The following PHLDB2 variants were observed in gnomAD, a reference collection of about 807,000 sequenced individuals.
PHLDB2 encodes the protein pleckstrin homology like domain family B member 2.
Under a neutral mutation model 123.6 loss-of-function variants are expected in PHLDB2, and 71 were observed. The ratio of observed to expected loss-of-function variants is 0.57; its 90% CI spans 0.47 to 0.70. The LOEUF is 0.70. Ranked by LOEUF, PHLDB2 falls within the 30% of genes least tolerant of loss-of-function variation. The probability of loss-of-function intolerance (pLI) is 0.00; values close to 1 mark genes in which losing one functional copy is unlikely to be tolerated. For synonymous variants in PHLDB2, 547 were observed against 541.6 expected, an observed-to-expected ratio of 1.01 and a Z score of -0.14; for missense variants, 1,446 against 1,519.5, an observed-to-expected ratio of 0.95 and a Z score of 0.80.
intron 1 of PHLDB2, among the ~76,000 whole-genome samples, chr3:111,841,364 G>C (rs968396038): frequency 6.6e-6 from 1 of 152,086 alleles, no homozygotes; most frequent in South Asian, 2.1e-4. Flanking sequence ...AACTGTAAAG[G>C]AATGAAAAAG....
intron 1 of PHLDB2, among the ~76,000 whole-genome samples, chr3:111,751,576 T>C (rs2059775278): frequency 6.7e-6 from 1 of 150,052 alleles, no homozygotes. Context: ...ATAAAACCTC[T>C]CCTTGGAGAC....
intron 1 of PHLDB2, among the ~76,000 whole-genome samples, chr3:111,783,607 GGAGAGAAACAGGTT>G (rs2060567588): frequency 2.0e-5 from 3 of 152,140 alleles, no homozygotes; most frequent in South Asian, 4.1e-4. Flanking sequence ...AAGCACCCAG[GGAGAGAAACAGGTT>G]GAAGATAAAC....
chr3:111,802,057 A>T (rs2061397582), intron 1 of PHLDB2, among the ~76,000 whole-genome samples: 1 of 152,248 alleles, frequency 6.6e-6, no homozygotes, highest in Non-Finnish European at 1.5e-5. Flanking sequence ...CAATAAATTA[A>T]CCAGGATAGA....
At position 111,755,566 on chromosome 3, in the gene PHLDB2, T is replaced by C. The variant is rs1222650678; in HGVS notation, c.-49+22863T>C. Among the ~76,000 whole-genome samples the C allele has an allele frequency of 1.3e-4, 19 of 147,896 alleles. No individual in the cohort carries two copies. The South Asian group carries it at 2.2e-3, about 17-fold the overall frequency. ...TTTTCTTCTTTATTAGTCTTGCTAG[T>C]GGTCTATCAATTTTGTTGATCCTTT... is the stretch of plus-strand genomic sequence containing the variant. On this transcript the variant is annotated intron_variant, in intron 1 of 17. Transcript: ENST00000393923.
At chr3:111,873,744 T>C (rs542216498) in intron 1 of PHLDB2, among the ~76,000 whole-genome samples, 1 of 152,320 alleles carries the variant, frequency 6.6e-6, no homozygotes, top group Admixed American at 6.5e-5. Flanking sequence ...AAAGTCCTTC[T>C]TTCTAACTGG....
chr3:111,738,822 A>C (rs2059552167), intron 1 of PHLDB2, among the ~76,000 whole-genome samples: 1 of 152,214 alleles, frequency 6.6e-6, no homozygotes, highest in South Asian at 2.1e-4. Context: ...GGGGAGACTA[A>C]AGAAAGAATC....
intron 2 of PHLDB2, among the ~76,000 whole-genome samples, chr3:111,898,214 C>T (rs1480525864): frequency 7.4e-6 from 1 of 136,048 alleles, no homozygotes; most frequent in African/African-American, 2.8e-5. Context: ...GTGTCTTGCT[C>T]TGTCTCCCAG....
chr3:111,913,695 T>C lies in PHLDB2; in HGVS notation c.1712T>C (p.Leu571Pro). 1 of 1,611,164 alleles carries C rather than the reference T, an allele frequency of 6.2e-7. No individual in the cohort carries two copies. The highest frequency in any genetic ancestry group is 8.5e-7 in the Non-Finnish European group (1 of 1,177,872). The change falls in exon 3 of 18, where the codon CTA becomes CCA. Residue 571 changes from leucine to proline, a missense_variant. This residue lies in a region of PHLDB2 where 832 missense variants were observed against 831.9 expected (regional missense o/e 1.00). Coordinates refer to ENST00000431670, the MANE Select transcript of PHLDB2 (RefSeq NM_001134438.2). ...AGCGAGTCCTCTTATCTAAGTATCCTACCAAAGGTAATGTTGGCCCAGCAA... is the reference window on the plus strand; with the variant it reads ...AGCGAGTCCTCTTATCTAAGTATCCCACCAAAGGTAATGTTGGCCCAGCAA... Reference protein sequence around the residue: ...ASSESSYLSILPKTPEGISEE... With the variant: ...ASSESSYLSIPPKTPEGISEE...
chr3:111,882,097 A>G (rs936026439), intron 1 of PHLDB2, among the ~76,000 whole-genome samples: 2 of 152,250 alleles, frequency 1.3e-5, no homozygotes, highest in African/African-American at 2.4e-5. Flanking sequence ...ACTTCAAAAT[A>G]TGATTTTAAA....
At position 111,974,784 on chromosome 3, in the gene PHLDB2, A is replaced by G. The variant is rs2072445085; in HGVS notation, c.*221A>G. On this transcript the variant is annotated 3_prime_UTR_variant, in exon 18 of 18. Coordinates refer to ENST00000431670, the MANE Select transcript of PHLDB2 (RefSeq NM_001134438.2). ...GCAAAATAATTGAAGCTTCCATGAG[A>G]AAGAAAACACTATTTTGATAAATTG... 3 of 364,304 alleles carry G rather than the reference A, an allele frequency of 8.2e-6. No individual in the cohort carries two copies. In the East Asian group the frequency reaches 1.3e-4, roughly 16 times the overall value. 22.6% of individuals were successfully genotyped at this position (364,304 alleles called of 1,614,324 possible). A position where few individuals can be genotyped will look rare whatever the true frequency, so the allele number is the denominator to read the frequency against.
At chr3:111,836,501 AG>A (rs2063403149) in intron 1 of PHLDB2, among the ~76,000 whole-genome samples, 1 of 152,038 alleles carries the variant, frequency 6.6e-6, no homozygotes, top group Admixed American at 6.6e-5. Flanking sequence ...TCTGTAGCTC[AG>A]AAGAGAGAGC....
At chr3:111,811,581 G>A (rs1170606045) in intron 1 of PHLDB2, among the ~76,000 whole-genome samples, 2 of 151,952 alleles carry the variant, frequency 1.3e-5, no homozygotes, top group Non-Finnish European at 2.9e-5. Flanking sequence ...CAAGATTCAG[G>A]AATCTTAATT....
chr3:111,764,746 G>A (rs777816299), intron 1 of PHLDB2, among the ~76,000 whole-genome samples: 28 of 152,166 alleles, frequency 1.8e-4, no homozygotes, highest in Non-Finnish European at 3.4e-4. Flanking sequence ...CTCCAAGGGC[G>A]CCTTTAATGG....
At chr3:111,780,315 G>GGAA (rs60806996) in intron 1 of PHLDB2, among the ~76,000 whole-genome samples, 11 of 4,938 alleles carry the variant, frequency 2.2e-3, no homozygotes, top group Non-Finnish European at 5.1e-3. Context: ...AAGAGGAAGA[G>GGAA]GAAGAGGAAG....
At chr3:111,836,979 T>C (rs538149196) in intron 1 of PHLDB2, among the ~76,000 whole-genome samples, 19 of 152,332 alleles carry the variant, frequency 1.2e-4, no homozygotes, top group Admixed American at 5.9e-4. Context: ...GTTAACATTA[T>C]AGACTTTGAA....
chr3:111,763,998 G>T (rs12490337), intron 1 of PHLDB2, among the ~76,000 whole-genome samples: 5 of 151,958 alleles, frequency 3.3e-5, no homozygotes, highest in Non-Finnish European at 7.4e-5. Context: ...AAAATATAAT[G>T]CCAAAATAGA....
At chr3:111,900,574 G>A (rs2067138805) in intron 2 of PHLDB2, among the ~76,000 whole-genome samples, 1 of 152,132 alleles carries the variant, frequency 6.6e-6, no homozygotes, top group Non-Finnish European at 1.5e-5. Context: ...TCTTATATGG[G>A]CATGGTTTGT....
chr3:111,811,428 T>C (rs527876868), intron 1 of PHLDB2, among the ~76,000 whole-genome samples: 5 of 152,322 alleles, frequency 3.3e-5, no homozygotes, highest in African/African-American at 1.2e-4. Flanking sequence ...GTTTTCTCAC[T>C]GGCAAATTAA....
intron 8 of PHLDB2, among the ~76,000 whole-genome samples, chr3:111,943,803 G>A (rs981195787): frequency 1.3e-5 from 2 of 152,090 alleles, no homozygotes; most frequent in Non-Finnish European, 2.9e-5. Flanking sequence ...AAAATATACA[G>A]TCCTTTCACA....
Sources: gnomAD v4.1 joint callset for allele counts (sites outside exome capture counted in the v4.1 genomes callset) on GRCh38, gnomAD v4.1.1 for gene constraint, gnomAD v4.1.1 regional missense constraint, MANE v1.5 for transcripts, NCBI Gene and HGNC (gene_info 2026-07-23, HGNC 2026-07-21) for gene names.